The following ATXN7 variants were observed in gnomAD, a reference collection of about 807,000 sequenced individuals.
ATXN7 encodes the protein ataxin 7.
Under a neutral mutation model 70.5 loss-of-function variants are expected in ATXN7, and 12 were observed. That is an observed-to-expected ratio of 0.17 (90% confidence interval 0.11 to 0.28). The LOEUF (loss-of-function observed/expected upper bound fraction) is 0.28. Among genes scored for constraint, ATXN7 ranks in the 10% least tolerant of loss-of-function variants. The pLI is 1.00. For missense variants in ATXN7, 1,256 were observed against 1,131.7 expected, an observed-to-expected ratio of 1.11 and a Z score of -1.58; for synonymous variants, 498 against 448.7, an observed-to-expected ratio of 1.11 and a Z score of -1.39.
At chr3:63,985,843 T>C (rs1177406216) in intron 8 of ATXN7, among the ~76,000 whole-genome samples, 1 of 152,214 alleles carries the variant, frequency 6.6e-6, no homozygotes, top group Non-Finnish European at 1.5e-5. Context: ...CCTCACTCTT[T>C]CTAGGTCGCA....
chr3:63,863,572 C>G (rs537778367), upstream of ATXN7: 15 of 1,197,276 alleles, frequency 1.3e-5, no homozygotes, highest in East Asian at 4.9e-4. Flanking sequence ...GGCGCTCGGG[C>G]TCTGGCGAGA....
In ATXN7 at chr3:63,941,513, C is replaced by G. The variant is rs563682430; in HGVS notation, c.395-10866C>G. On this transcript the variant is annotated intron_variant, in intron 4 of 12. Coordinates refer to ENST00000674280, the MANE Select transcript of ATXN7 (RefSeq NM_001377405.1). ...AGTTTCATCCTGAAACCATTCTCTC[C>G]TTGCCCCAGTCCCATGGAAAAATTG... Among the ~76,000 whole-genome samples the G allele has an allele frequency of 5.9e-5, 9 of 152,334 alleles. No individual in the cohort carries two copies. In the East Asian group the frequency reaches 1.7e-3, roughly 29 times the overall value.
At chr3:63,944,925 G>A (rs998227864) in intron 4 of ATXN7, among the ~76,000 whole-genome samples, 4 of 152,116 alleles carry the variant, frequency 2.6e-5, no homozygotes, top group African/African-American at 4.8e-5. Context: ...CCAGGTAGCT[G>A]CAATTACAAG....
intron 1 of ATXN7, among the ~76,000 whole-genome samples, chr3:63,875,833 C>G (rs1702733756): frequency 6.6e-6 from 1 of 152,148 alleles, no homozygotes; most frequent in East Asian, 1.9e-4. Context: ...ATGTTAGGCT[C>G]TTTCCCCCCA....
At chr3:63,966,716 C>T (rs1170057598) in intron 5 of ATXN7, among the ~76,000 whole-genome samples, 1 of 152,136 alleles carries the variant, frequency 6.6e-6, no homozygotes, top group Non-Finnish European at 1.5e-5. Flanking sequence ...TAATAGAAGC[C>T]GTTTTCATGC....
intron 5 of ATXN7, among the ~76,000 whole-genome samples, chr3:63,961,203 G>C (rs2075124737): frequency 1.3e-5 from 2 of 152,092 alleles, no homozygotes; most frequent in African/African-American, 2.4e-5. Context: ...ATAAAAAAAA[G>C]TAGATTCAGT....
chr3:63,949,632 G>A (rs1428803563), intron 4 of ATXN7, among the ~76,000 whole-genome samples: 3 of 152,040 alleles, frequency 2.0e-5, no homozygotes, highest in South Asian at 2.1e-4. Flanking sequence ...TCCTGACCTC[G>A]GGTAATCCGC....
At chr3:63,930,073 G>A (rs1704889188) in intron 4 of ATXN7, among the ~76,000 whole-genome samples, 1 of 152,094 alleles carries the variant, frequency 6.6e-6, no homozygotes, top group Non-Finnish European at 1.5e-5. Context: ...TGACTAAATA[G>A]GACATAATTT....
intron 4 of ATXN7, among the ~76,000 whole-genome samples, chr3:63,915,659 C>G (rs1196470984): frequency 6.6e-6 from 1 of 151,522 alleles, no homozygotes; most frequent in African/African-American, 2.4e-5. Flanking sequence ...GAGTGAATCA[C>G]TGGAAGTCAG....
chr3:63,884,089 A>G (rs978099465), intron 1 of ATXN7, among the ~76,000 whole-genome samples: 15 of 152,158 alleles, frequency 9.9e-5, no homozygotes. Flanking sequence ...CAGTGTCCAG[A>G]TCTTGGTTTC....
intron 1 of ATXN7, among the ~76,000 whole-genome samples, chr3:63,889,241 A>G (rs1172399758): frequency 6.6e-6 from 1 of 152,228 alleles, no homozygotes; most frequent in Non-Finnish European, 1.5e-5. Context: ...AACAAAGTAG[A>G]TATTACAATT....
In ATXN7 at chr3:63,970,750, C is replaced by T. The variant is rs570700006; in HGVS notation, c.500-9165C>T. Among the ~76,000 whole-genome samples, 4 of 152,346 alleles carry T rather than the reference C, an allele frequency of 2.6e-5. No homozygotes were observed. The South Asian group carries it at 8.3e-4, about 32-fold the overall frequency. Reference sequence around the variant, plus strand: ...CCATTCACGCCTGTCCCTTCCCCCACTGGAGTGGAGTCGTTCTCCCTTGTA... The same window carrying T: ...CCATTCACGCCTGTCCCTTCCCCCATTGGAGTGGAGTCGTTCTCCCTTGTA... On this transcript the variant is annotated intron_variant, in intron 5 of 12. Transcript: ENST00000674280.
intron 5 of ATXN7, among the ~76,000 whole-genome samples, chr3:63,964,847 GCTC>G (rs1229210909): frequency 2.0e-5 from 3 of 152,150 alleles, no homozygotes; most frequent in African/African-American, 7.2e-5. Context: ...CCTTTCAAGT[GCTC>G]CTTGGCAGCA....
At chr3:63,990,949 T>A (rs185091893) in intron 11 of ATXN7, 90 bp downstream of exon 11, 1,764 of 1,588,882 alleles carry the variant, frequency 1.1e-3, no homozygotes, top group Non-Finnish European at 1.3e-3. Context: ...TATGAAGATA[T>A]GCTTATCTAA....
intron 4 of ATXN7, among the ~76,000 whole-genome samples, chr3:63,918,141 A>T (rs1704357904): frequency 6.6e-6 from 1 of 152,180 alleles, no homozygotes; most frequent in African/African-American, 2.4e-5. Flanking sequence ...AAGATGGAAA[A>T]GTGTGTGGTT....
At chr3:63,952,590 C>T in intron 5 of ATXN7, 107 bp downstream of exon 5, 1 of 599,438 alleles carries the variant, frequency 1.7e-6, no homozygotes, top group South Asian at 4.0e-5. Context: ...CCCTCCCCCA[C>T]CAGGAAGTAG....
chr3:63,956,392 G>A (rs529468095), intron 5 of ATXN7, among the ~76,000 whole-genome samples: 2 of 129,478 alleles, frequency 1.5e-5, no homozygotes, highest in Non-Finnish European at 3.1e-5. Flanking sequence ...CTGCACTGGA[G>A]CCTGGGTGAC....
rs534161840 is a variant in ATXN7 at position 63,996,023 on chromosome 3, T to C, written c.2201T>C (p.Phe734Ser). The change falls in exon 12 of 13, where the codon TTT (phenylalanine) becomes TCT (serine). Residue 734 changes from phenylalanine (F) to serine (S), a missense_variant. Coordinates refer to ENST00000674280, the MANE Select transcript of ATXN7 (RefSeq NM_001377405.1). ...SSSSSHSMES[F>S]RKNCVAHSGP... ...TCTTCTTCTCATTCCATGGAGTCTT[T>C]TAGGAAAAACTGTGTGGCTCACTCT... 2.4e-5 allele frequency: 39 copies of C among 1,614,042 alleles called. No individual in the cohort carries two copies. Among genetic ancestry groups the C allele is most frequent in the Non-Finnish European group, 3.2e-5 (38 of 1,180,038 alleles).
intron 4 of ATXN7, among the ~76,000 whole-genome samples, chr3:63,923,719 A>G (rs112013034): frequency 6.6e-6 from 1 of 152,122 alleles, no homozygotes; most frequent in Non-Finnish European, 1.5e-5. Flanking sequence ...ACTTGTGCCC[A>G]GGAGGTCGAG....
Sources: gnomAD v4.1 joint callset for allele counts (sites outside exome capture counted in the v4.1 genomes callset) on GRCh38, gnomAD v4.1.1 for gene constraint, MANE v1.5 for transcripts, NCBI Gene and HGNC (gene_info 2026-07-23, HGNC 2026-07-21) for gene names.